The following BRINP3 variants were observed in gnomAD, a reference collection of about 807,000 sequenced individuals.
The protein encoded by BRINP3 is BMP/retinoic acid inducible neural specific 3, also known as BMP/retinoic acid-inducible neural-specific protein 3.
In BRINP3, 19 loss-of-function variants were observed where a neutral mutation model predicts 71.0. The observed-to-expected ratio is 0.27, with a 90% confidence interval of 0.19 to 0.39. BRINP3 has a LOEUF of 0.39. Among genes scored for constraint, BRINP3 ranks in the 10% least tolerant of loss-of-function variants. The probability of loss-of-function intolerance (pLI) is 1.00; values close to 1 mark genes in which losing one functional copy is unlikely to be tolerated. For synonymous variants in BRINP3, 380 were observed against 337.7 expected, an observed-to-expected ratio of 1.13 and a Z score of -1.37; for missense variants, 959 against 940.8, an observed-to-expected ratio of 1.02 and a Z score of -0.25.
chr1:190,439,725 T>C (rs1674693440), intron 2 of BRINP3, among the ~76,000 whole-genome samples: 1 of 151,940 alleles, frequency 6.6e-6, no homozygotes, highest in African/African-American at 2.4e-5. Context: ...TCTTAACAGA[T>C]GCCAGAAATA....
chr1:190,137,848 T>A (rs923600918), intron 7 of BRINP3, among the ~76,000 whole-genome samples: 2 of 152,280 alleles, frequency 1.3e-5, no homozygotes, highest in South Asian at 2.1e-4. Context: ...TTATTTTAGA[T>A]ACTTTACATA....
At chr1:190,111,219 T>G (rs1262292434) in intron 7 of BRINP3, among the ~76,000 whole-genome samples, 1 of 149,154 alleles carries the variant, frequency 6.7e-6, no homozygotes, top group Non-Finnish European at 1.5e-5. Flanking sequence ...CTTTAGAACT[T>G]TAATTGGAAC....
chr1:190,254,389 T>A (rs1400592120), intron 4 of BRINP3, among the ~76,000 whole-genome samples: 2 of 152,184 alleles, frequency 1.3e-5, no homozygotes, highest in Non-Finnish European at 2.9e-5. Flanking sequence ...ACGATATTGA[T>A]TCTTCCTATC....
intron 2 of BRINP3, among the ~76,000 whole-genome samples, chr1:190,361,177 G>A (rs973316536): frequency 5.9e-5 from 9 of 151,876 alleles, no homozygotes; most frequent in Non-Finnish European, 1.0e-4. Context: ...CTGTAAGAAA[G>A]AGACTGGGGT....
At chr1:190,338,514 T>C (rs971235394) in intron 2 of BRINP3, among the ~76,000 whole-genome samples, 3 of 151,980 alleles carry the variant, frequency 2.0e-5, no homozygotes, top group African/African-American at 2.4e-5. Context: ...CTAGTTATGA[T>C]ATGTGCATAT....
chr1:190,270,864 C>A (rs951458373), intron 3 of BRINP3, among the ~76,000 whole-genome samples: 3 of 151,580 alleles, frequency 2.0e-5, no homozygotes, highest in African/African-American at 7.3e-5. Context: ...CATCCAAGAT[C>A]AACCCTCATG....
At chr1:190,293,550 T>G (rs556994540) in intron 2 of BRINP3, among the ~76,000 whole-genome samples, 1 of 152,288 alleles carries the variant, frequency 6.6e-6, no homozygotes, top group Non-Finnish European at 1.5e-5. Flanking sequence ...GTCTGGAGCA[T>G]AGTTTAACTT....
At chr1:190,405,120 A>C (rs181824161) in intron 2 of BRINP3, among the ~76,000 whole-genome samples, 1 of 152,104 alleles carries the variant, frequency 6.6e-6, no homozygotes, top group Admixed American at 6.6e-5. Flanking sequence ...ATTATTCCAC[A>C]TTTTCTTATT....
At chr1:190,465,346 C>T (rs1449325385) in intron 1 of BRINP3, among the ~76,000 whole-genome samples, 1 of 151,898 alleles carries the variant, frequency 6.6e-6, no homozygotes, top group African/African-American at 2.4e-5. Context: ...GACAAAGACT[C>T]TTTTCTGGAC....
chr1:190,127,665 G>A (rs1218143895), intron 7 of BRINP3, among the ~76,000 whole-genome samples: 2 of 151,820 alleles, frequency 1.3e-5, no homozygotes, highest in Admixed American at 1.3e-4. Context: ...TAAAAGTAAT[G>A]TTGTCACTTC....
At chr1:190,272,647 C>A (rs915046380) in intron 3 of BRINP3, among the ~76,000 whole-genome samples, 1 of 151,316 alleles carries the variant, frequency 6.6e-6, no homozygotes, top group Non-Finnish European at 1.5e-5. Flanking sequence ...GGAATCAGGA[C>A]ATAGTCATAA....
chr1:190,352,852 T>TCC (rs1249841358), intron 2 of BRINP3, among the ~76,000 whole-genome samples: 1 of 151,432 alleles, frequency 6.6e-6, no homozygotes, highest in African/African-American at 2.4e-5. Context: ...TCTCTCTCTC[T>TCC]CTCTCTCTGT....
intron 1 of BRINP3, among the ~76,000 whole-genome samples, chr1:190,470,912 ATT>A (rs1677096061): frequency 6.6e-6 from 1 of 151,164 alleles, no homozygotes; most frequent in Admixed American, 6.6e-5. Flanking sequence ...ATTACTCTTG[ATT>A]AGTTATTTTG....
chr1:190,451,469 G>A (rs1015608547), intron 2 of BRINP3, among the ~76,000 whole-genome samples: 3 of 152,126 alleles, frequency 2.0e-5, no homozygotes, highest in Non-Finnish European at 4.4e-5. Context: ...CAAACACAAG[G>A]CTCCAGCTTA....
intron 6 of BRINP3, among the ~76,000 whole-genome samples, chr1:190,222,380 C>G (rs1656969836): frequency 6.6e-6 from 1 of 150,812 alleles, no homozygotes; most frequent in Non-Finnish European, 1.5e-5. Flanking sequence ...ATACAACAAA[C>G]CAAAACTTGA....
chr1:190,197,459 T>A (rs563487400), intron 6 of BRINP3, among the ~76,000 whole-genome samples: 1 of 152,304 alleles, frequency 6.6e-6, no homozygotes. Context: ...TATGAGGCTG[T>A]AAAATCAAAA....
chr1:190,247,471 T>C (rs566695167), intron 4 of BRINP3, among the ~76,000 whole-genome samples: 2 of 152,088 alleles, frequency 1.3e-5, no homozygotes, highest in Admixed American at 6.6e-5. Context: ...CACAGAAGAA[T>C]TGCATTTCAC....
chr1:190,460,626 G>A (rs968574251), intron 1 of BRINP3, among the ~76,000 whole-genome samples: 3 of 152,182 alleles, frequency 2.0e-5, no homozygotes, highest in African/African-American at 7.2e-5. Flanking sequence ...TAAAGATAGT[G>A]CTTCTAGCCT....
chr1:190,437,881 T>A (rs1365970290), intron 2 of BRINP3, among the ~76,000 whole-genome samples: 7 of 151,762 alleles, frequency 4.6e-5, no homozygotes. Context: ...GGAGTTAATA[T>A]TTCAAAAGAT....
Sources: allele counts gnomAD v4.1 joint callset (sites outside exome capture counted in the v4.1 genomes callset), GRCh38; gene constraint gnomAD v4.1.1; transcripts MANE v1.5; gene names NCBI Gene and HGNC (gene_info 2026-07-23, HGNC 2026-07-21).